NRF1: variants seen among roughly 807,000 people sequenced by gnomAD.
NRF1 encodes alpha palindromic-binding protein.
In NRF1, 5 loss-of-function variants were observed where a neutral mutation model predicts 58.5. The ratio of observed to expected loss-of-function variants is 0.09; its 90% CI spans 0.04 to 0.18. NRF1 has a LOEUF of 0.18. Ranked by LOEUF, NRF1 falls within the 10% of genes least tolerant of loss-of-function variation. The probability of loss-of-function intolerance (pLI) is 1.00; values close to 1 mark genes in which losing one functional copy is unlikely to be tolerated. For synonymous variants in NRF1, 224 were observed against 246.7 expected (o/e 0.91, Z 0.86); for missense variants, 288 against 657.7 (o/e 0.44, Z 6.15).
intron 4 of NRF1, among the ~76,000 whole-genome samples, chr7:129,685,556 AGTGTGTGTGTGTGTGTGTGTGTGT>A (rs67721424): frequency 0.3 from 42,234 of 143,064 alleles, 7,629 homozygotes; most frequent in Non-Finnish European, 0.42. Flanking sequence ...GTCTCATTCA[AGTGTGTGTGTGTGTGTGTGTGTGT>A]GTGTGTGTGT....
intron 5 of NRF1, among the ~76,000 whole-genome samples, chr7:129,697,249 T>C (rs1405618595): frequency 6.6e-6 from 1 of 151,824 alleles, no homozygotes; most frequent in Non-Finnish European, 1.5e-5. Flanking sequence ...AGATTGAAAA[T>C]TGAGGCATAA....
chr7:129,745,040 T>G (rs1584691639), intron 10 of NRF1, among the ~76,000 whole-genome samples: 1 of 151,936 alleles, frequency 6.6e-6, no homozygotes, highest in East Asian at 1.9e-4. Context: ...AACAGAAAAA[T>G]AAATAAATCT....
intron 1 of NRF1, among the ~76,000 whole-genome samples, chr7:129,647,019 G>A (rs574784842): frequency 2.6e-5 from 4 of 152,268 alleles, no homozygotes; most frequent in African/African-American, 9.6e-5. Context: ...CCTGACTTCA[G>A]TGAGCTTACA....
chr7:129,704,055 C>T (rs1483477245), intron 5 of NRF1, among the ~76,000 whole-genome samples: 5 of 150,400 alleles, frequency 3.3e-5, no homozygotes, highest in African/African-American at 1.2e-4. Context: ...CCCCACCCCC[C>T]GTTTTTTTTT....
At chr7:129,716,410 GA>G (rs1803189931) in intron 8 of NRF1, among the ~76,000 whole-genome samples, 1 of 151,880 alleles carries the variant, frequency 6.6e-6, no homozygotes, top group African/African-American at 2.4e-5. Flanking sequence ...GGTATAGTTT[GA>G]ATTTTTTTTT....
At chr7:129,713,283 G>T (rs1434001855) in intron 8 of NRF1, among the ~76,000 whole-genome samples, 1 of 151,892 alleles carries the variant, frequency 6.6e-6, no homozygotes, top group Admixed American at 6.6e-5. Flanking sequence ...TAGAAACGGG[G>T]TTTTACCATG....
In NRF1 at chr7:129,722,848, T is replaced by C. The variant is rs78110327; in HGVS notation, c.1224-4393T>C. On this transcript the variant is annotated intron_variant, in intron 9 of 10. Coordinates refer to ENST00000393232, the MANE Select transcript of NRF1 (RefSeq NM_005011.5). ...GATGTACAGGAGTGGCAGGATGTCA[T>C]CTTTGATGGTCATAAAGATGAGATT... Among the ~76,000 whole-genome samples the C allele has an allele frequency of 2.0e-5, 3 of 152,284 alleles. No individual in the cohort carries two copies. The East Asian group carries it at 5.8e-4, about 29-fold the overall frequency.
intron 5 of NRF1, among the ~76,000 whole-genome samples, chr7:129,707,945 A>G (rs1009409238): frequency 2.0e-5 from 3 of 152,226 alleles, no homozygotes; most frequent in African/African-American, 7.2e-5. Flanking sequence ...ATATTTATAG[A>G]AATCTTTAAT....
intron 1 of NRF1, among the ~76,000 whole-genome samples, chr7:129,615,431 T>A (rs1800640541): frequency 6.6e-6 from 1 of 152,100 alleles, no homozygotes; most frequent in Admixed American, 6.5e-5. Flanking sequence ...GACTGTGTGA[T>A]GCTTATTAAT....
At chr7:129,615,854 A>G (rs1800648104) in intron 1 of NRF1, among the ~76,000 whole-genome samples, 1 of 152,210 alleles carries the variant, frequency 6.6e-6, no homozygotes, top group African/African-American at 2.4e-5. Flanking sequence ...TAAATAGTAA[A>G]AGGAGGTGAA....
chr7:129,647,901 TCA>T (rs1474634656), intron 1 of NRF1, among the ~76,000 whole-genome samples: 1 of 152,262 alleles, frequency 6.6e-6, no homozygotes, highest in African/African-American at 2.4e-5. Context: ...TGTGCTGTTC[TCA>T]GTTCTTAACG....
chr7:129,733,818 G>A (rs947169296), intron 10 of NRF1, among the ~76,000 whole-genome samples: 29 of 152,048 alleles, frequency 1.9e-4, no homozygotes, highest in Non-Finnish European at 4.0e-4. Flanking sequence ...GAGCTCAGGA[G>A]TTCAAGACCA....
intron 1 of NRF1, among the ~76,000 whole-genome samples, chr7:129,622,358 C>T (rs1361619192): frequency 6.6e-6 from 1 of 152,026 alleles, no homozygotes; most frequent in Non-Finnish European, 1.5e-5. Flanking sequence ...ATGAGGAGGA[C>T]AGAAATGATA....
chr7:129,733,234 G>A (rs1225829048), intron 10 of NRF1, among the ~76,000 whole-genome samples: 3 of 152,114 alleles, frequency 2.0e-5, no homozygotes, highest in African/African-American at 7.2e-5. Flanking sequence ...TTGGGAGGCC[G>A]AGGCGGGTGG....
rs1034999914 is a variant in NRF1 at position 129,742,285 on chromosome 7, A to C, written c.1349-12733A>C. Among the ~76,000 whole-genome samples the C allele has an allele frequency of 5.3e-5, 8 of 151,460 alleles. 1 individual carries two copies. The highest frequency in any genetic ancestry group is 1.5e-4 in the African/African-American group (6 of 41,348). The stretch of plus-strand genomic sequence containing the variant: ...CTAAGTGAAATTGATTAAAAAAAAA[A>C]AAAAAAACAAAAAACTTTGCCATCA... On this transcript the variant is annotated intron_variant, in intron 10 of 10. Coordinates refer to ENST00000393232, the MANE Select transcript of NRF1 (RefSeq NM_005011.5).
intron 2 of NRF1, among the ~76,000 whole-genome samples, chr7:129,670,194 A>G (rs1802015635): frequency 6.6e-6 from 1 of 152,212 alleles, no homozygotes; most frequent in African/African-American, 2.4e-5. Flanking sequence ...TGAGGGACAG[A>G]TGGGGAGTTG....
At chr7:129,639,685 T>TTA (rs1801246692) in intron 1 of NRF1, among the ~76,000 whole-genome samples, 1 of 151,732 alleles carries the variant, frequency 6.6e-6, no homozygotes, top group South Asian at 2.1e-4. Flanking sequence ...GTAGCTGGGA[T>TTA]TATAGGTGCA....
At chr7:129,669,019 T>G (rs905958309) in intron 2 of NRF1, among the ~76,000 whole-genome samples, 2 of 152,042 alleles carry the variant, frequency 1.3e-5, no homozygotes, top group African/African-American at 4.8e-5. Flanking sequence ...GTGATCTCGG[T>G]TCACTGCAAC....
chr7:129,725,852 C>T (rs1803441283), intron 9 of NRF1, among the ~76,000 whole-genome samples: 1 of 152,120 alleles, frequency 6.6e-6, no homozygotes. Flanking sequence ...CTTTTCTGTC[C>T]ATTCGGTTTC....
Sources: gnomAD v4.1 joint callset for allele counts (sites outside exome capture counted in the v4.1 genomes callset) on GRCh38, gnomAD v4.1.1 for gene constraint, MANE v1.5 for transcripts, NCBI Gene and HGNC (gene_info 2026-07-23, HGNC 2026-07-21) for gene names.